The following ABCA13 variants were observed in gnomAD, a reference collection of about 807,000 sequenced individuals.
ABCA13 encodes ATP binding cassette subfamily A member 13, also known as ATP-binding cassette sub-family A member 13.
Under a neutral mutation model 478.7 loss-of-function variants are expected in ABCA13, and 476 were observed. That is an observed-to-expected ratio of 0.99 (90% CI 0.92 to 1.07). The LOEUF is 1.07. ABCA13 is among the 50% of genes least tolerant of loss of function. ABCA13 has a pLI of 0.00. For missense variants in ABCA13, 6,060 were observed against 5,910.6 expected (o/e 1.03, Z -0.83); for synonymous variants, 2,252 against 2,158.9 (o/e 1.04, Z -1.20).
intron 41 of ABCA13, among the ~76,000 whole-genome samples, chr7:48,416,711 A>G (rs920342634): frequency 1.3e-5 from 2 of 152,034 alleles, no homozygotes; most frequent in African/African-American, 2.4e-5. Flanking sequence ...TGGAGCTGCA[A>G]CCTGGGTGTG....
At chr7:48,626,732 G>T in intron 59 of ABCA13, 2 of 985,498 alleles carry the variant, frequency 2.0e-6, no homozygotes, top group Non-Finnish European at 2.4e-6. Context: ...AGAAAAGGAG[G>T]TGCCTTTGGG....
chr7:48,226,097 G>T (rs574951658), intron 5 of ABCA13, among the ~76,000 whole-genome samples: 5 of 152,260 alleles, frequency 3.3e-5, no homozygotes, highest in African/African-American at 9.6e-5. Context: ...AGTGGGGTTG[G>T]TCATCGAAGA....
At chr7:48,576,676 G>T (rs1458056152) in intron 55 of ABCA13, among the ~76,000 whole-genome samples, 1 of 151,966 alleles carries the variant, frequency 6.6e-6, no homozygotes, top group Non-Finnish European at 1.5e-5. Flanking sequence ...GGGACTAAGA[G>T]AACTACAAGC....
chr7:48,367,807 G>A lies in ABCA13; in HGVS notation c.10702G>A (p.Val3568Ile), dbSNP rs768848635. 6.4e-6 allele frequency: 10 copies of A among 1,565,560 alleles called. No individual in the cohort carries two copies. Among genetic ancestry groups the A allele is most frequent in the African/African-American group, 1.4e-5 (1 of 73,940 alleles). The change falls in exon 32 of 62, where the codon GTT becomes ATT. Residue 3568 changes from valine to isoleucine, a missense_variant. Around this residue, in one of 3 missense-constraint regions of ABCA13, gnomAD observed 4,423 missense variants for 4,309.1 expected, o/e 1.03. Coordinates refer to ENST00000435803, the MANE Select transcript of ABCA13 (RefSeq NM_152701.5). ...ATCCCCTTACAGATTCCTGAACAAC[G>A]TTGGTTTCTTTTTTCCACTGATAAT... ...CHTSDLFLNN[V>I]GFFFPLIMML...
chr7:48,632,346 T>G (rs1794239018), intron 59 of ABCA13, among the ~76,000 whole-genome samples: 2 of 152,166 alleles, frequency 1.3e-5, no homozygotes, highest in African/African-American at 2.4e-5. Flanking sequence ...TCAGTTGAAT[T>G]TTTCCCATTT....
At chr7:48,641,407 C>T (rs1261310877) in intron 59 of ABCA13, among the ~76,000 whole-genome samples, 1 of 152,240 alleles carries the variant, frequency 6.6e-6, no homozygotes. Flanking sequence ...CTAAATTTCA[C>T]TGCTTATTTA....
In ABCA13 at chr7:48,643,379, G is replaced by A; in HGVS notation, c.14929G>A (p.Gly4977Arg). 6.2e-7 allele frequency: 1 copy of A among 1,612,932 alleles called. No homozygotes were observed. ...TGACCACTTGAAGCTTTATTTTCCAGGAATTCAGTTCAAGGTAGTGCTAAT... is the reference window on the plus strand; with the variant it reads ...TGACCACTTGAAGCTTTATTTTCCAAGAATTCAGTTCAAGGTAGTGCTAAT... The part of the protein sequence containing the change: ...VSDHLKLYFP[G>R]IQFKGQHLNL... The change falls in exon 60 of 62, where the codon GGA (glycine) becomes AGA (arginine). Residue 4977 changes from glycine to arginine, a missense_variant. Transcript: ENST00000435803.
intron 41 of ABCA13, among the ~76,000 whole-genome samples, chr7:48,425,730 CTTAT>C (rs145744455): frequency 1.8e-5 from 2 of 113,668 alleles, no homozygotes; most frequent in African/African-American, 2.7e-5. Flanking sequence ...TATAATATGT[CTTAT>C]TTATTTATTT....
chr7:48,632,441 TC>T (rs1163896686), intron 59 of ABCA13, among the ~76,000 whole-genome samples: 4 of 152,234 alleles, frequency 2.6e-5, no homozygotes, highest in Non-Finnish European at 5.9e-5. Flanking sequence ...AATCTTTTTT[TC>T]TTTTGTTGTT....
intron 23 of ABCA13, among the ~76,000 whole-genome samples, chr7:48,306,080 C>T (rs1006706091): frequency 2.0e-5 from 3 of 152,176 alleles, no homozygotes; most frequent in Non-Finnish European, 2.9e-5. Context: ...GAACAACGAA[C>T]GAACGCAATA....
chr7:48,451,054 G>A (rs1223251616), intron 42 of ABCA13, among the ~76,000 whole-genome samples: 3 of 144,444 alleles, frequency 2.1e-5, no homozygotes, highest in African/African-American at 7.8e-5. Context: ...CTGGAGTGCA[G>A]TGGCGTGATC....
At chr7:48,366,990 C>T (rs137927749) in intron 31 of ABCA13, among the ~76,000 whole-genome samples, 4 of 152,216 alleles carry the variant, frequency 2.6e-5, no homozygotes, top group Admixed American at 6.5e-5. Flanking sequence ...CCCAGTAACA[C>T]GGCTTGTACC....
chr7:48,246,168 T>C (rs1168918183), intron 13 of ABCA13, 138 bp downstream of exon 13: 1 of 922,120 alleles, frequency 1.1e-6, no homozygotes, highest in East Asian at 2.9e-5. Context: ...GCTGGCTCTC[T>C]GAACTCCAGC....
At chr7:48,300,856 C>A (rs1800047917) in intron 23 of ABCA13, among the ~76,000 whole-genome samples, 1 of 152,212 alleles carries the variant, frequency 6.6e-6, no homozygotes, top group Admixed American at 6.5e-5. Flanking sequence ...GGGTTTGCAT[C>A]CTGTCCACCT....
chr7:48,555,781 G>A (rs114631048), intron 55 of ABCA13, among the ~76,000 whole-genome samples: 1,591 of 150,570 alleles, frequency 0.011, 32 homozygotes, highest in African/African-American at 0.035. Context: ...TTTATTGATC[G>A]TTTATATTAT....
chr7:48,203,195 G>C (rs933998995), intron 3 of ABCA13, among the ~76,000 whole-genome samples: 5 of 152,106 alleles, frequency 3.3e-5, no homozygotes, highest in African/African-American at 1.2e-4. Flanking sequence ...AGGGCCGGCC[G>C]GCTGCTCCGA....
intron 38 of ABCA13, among the ~76,000 whole-genome samples, chr7:48,395,332 T>G (rs1457437978): frequency 6.6e-6 from 1 of 151,906 alleles, no homozygotes; most frequent in Non-Finnish European, 1.5e-5. Context: ...AGAGGTCCAG[T>G]AGGGTGAGGA....
intron 31 of ABCA13, among the ~76,000 whole-genome samples, chr7:48,362,154 G>A (rs918062830): frequency 2.0e-5 from 3 of 151,790 alleles, no homozygotes; most frequent in African/African-American, 7.3e-5. Flanking sequence ...TTGTTATGTA[G>A]GATTTTTCTA....
At chr7:48,526,460 C>G (rs1042284517) in intron 54 of ABCA13, among the ~76,000 whole-genome samples, 6 of 152,138 alleles carry the variant, frequency 3.9e-5, no homozygotes, top group Admixed American at 2.0e-4. Context: ...ATGGAGAGTG[C>G]TATGCAAAAG....
Sources: allele counts gnomAD v4.1 joint callset (sites outside exome capture counted in the v4.1 genomes callset), GRCh38; gene constraint gnomAD v4.1.1; regional missense constraint gnomAD v4.1.1; transcripts MANE v1.5; gene names NCBI Gene and HGNC (gene_info 2026-07-23, HGNC 2026-07-21).